Variants in RREB1 observed in about 807,000 individuals in gnomAD.
The protein encoded by RREB1 is ras responsive element binding protein 1.
Under a neutral mutation model 117.8 loss-of-function variants are expected in RREB1, and 27 were observed. The observed-to-expected ratio is 0.23, with a 90% CI of 0.17 to 0.32. The LOEUF (loss-of-function observed/expected upper bound fraction) is 0.32, where lower values mean the gene tolerates loss of function less well. Ranked by LOEUF, RREB1 falls within the 10% of genes least tolerant of loss-of-function variation. The pLI is 1.00. For synonymous variants in RREB1, 1,298 were observed against 1,026.7 expected (o/e 1.26, Z -5.05); for missense variants, 2,577 against 2,378.2 (o/e 1.08, Z -1.74).
chr6:7,112,660 C>T (rs1761202047), intron 1 of RREB1, among the ~76,000 whole-genome samples: 5 of 152,164 alleles, frequency 3.3e-5, no homozygotes, highest in African/African-American at 1.2e-4. Flanking sequence ...TGAAATGCAT[C>T]ACTTATTTTT....
At chr6:7,192,809 T>C (rs1325915280) in intron 6 of RREB1, among the ~76,000 whole-genome samples, 1 of 152,220 alleles carries the variant, frequency 6.6e-6, no homozygotes, top group Non-Finnish European at 1.5e-5. Flanking sequence ...CTAAACATTA[T>C]TATTATCCGT....
intron 1 of RREB1, among the ~76,000 whole-genome samples, chr6:7,121,323 A>G (rs1057248457): frequency 6.6e-6 from 1 of 152,114 alleles, no homozygotes; most frequent in Non-Finnish European, 1.5e-5. Context: ...TGACTTGAGC[A>G]TAGGGTTCAT....
In RREB1 at chr6:7,249,460, A is replaced by G. The variant is rs1231940892; in HGVS notation, c.*492A>G. 6.5e-6 allele frequency: 1 copy of G among 154,664 alleles called. No homozygotes were observed. The highest frequency in any genetic ancestry group is 1.4e-5 in the Non-Finnish European group (1 of 69,552). The allele number at this position is 154,664 out of a possible 1,614,324, so 9.6% of individuals were successfully genotyped here. A position where few individuals can be genotyped will look rare whatever the true frequency, so the allele number is the denominator to read the frequency against. On this transcript the variant is annotated 3_prime_UTR_variant, in exon 13 of 13. Coordinates refer to ENST00000379938, the MANE Select transcript of RREB1 (RefSeq NM_001003699.4). ...AAATGATGTGAATTTCATGTAAATG[A>G]CCAGAGGAAAGATGGATAAGATGAT...
At chr6:7,180,474 G>C (rs1433008405) in intron 2 of RREB1, among the ~76,000 whole-genome samples, 1 of 152,186 alleles carries the variant, frequency 6.6e-6, no homozygotes, top group Non-Finnish European at 1.5e-5. Flanking sequence ...TGGGATAATA[G>C]GATCTTAATA....
chr6:7,114,636 A>G (rs532440509), intron 1 of RREB1, among the ~76,000 whole-genome samples: 44 of 152,304 alleles, frequency 2.9e-4, no homozygotes, highest in African/African-American at 1.0e-3. Flanking sequence ...TCTCATCTAC[A>G]AGTCCACTGG....
intron 1 of RREB1, among the ~76,000 whole-genome samples, chr6:7,168,449 A>G (rs1213699924): frequency 6.6e-6 from 1 of 152,078 alleles, no homozygotes; most frequent in African/African-American, 2.4e-5. Flanking sequence ...TCTCCCACCC[A>G]TTGCCGGACT....
In RREB1 at chr6:7,236,361, TC is replaced by T. The variant is rs367651944; in HGVS notation, c.3809-4071del. Among the ~76,000 whole-genome samples the T allele has an allele frequency of 9.9e-5, 15 of 152,164 alleles. No individual in the cohort carries two copies. The South Asian group carries it at 2.9e-3, about 29-fold the overall frequency. ...GCCTTTTTTGAGCCGGCTCAGGCTTTCCCCCCACACCCTTTCCTCCCTGCTT... is the reference window on the plus strand; with the variant it reads ...GCCTTTTTTGAGCCGGCTCAGGCTTTCCCCCACACCCTTTCCTCCCTGCTT... On this transcript the variant is annotated intron_variant, in intron 10 of 12. Coordinates refer to ENST00000379938, the MANE Select transcript of RREB1 (RefSeq NM_001003699.4).
chr6:7,129,202 CTAGGAAAAGCACAAG>C, intron 1 of RREB1, among the ~76,000 whole-genome samples: 1 of 152,152 alleles, frequency 6.6e-6, no homozygotes, highest in Non-Finnish European at 1.5e-5. Context: ...GTCTGCACTT[CTAGGAAAAGCACAAG>C]TAGGGGCTGA....
In RREB1 at chr6:7,230,188, C is replaced by G; in HGVS notation, c.2089C>G (p.Arg697Gly). ...CCACCTGCGCACGCACAGTGGGGAG[C>G]GGCCCTACATTTGCAAGATCTGCCA... ...IRHLRTHSGE[R>G]PYICKICHYP... Residue 697 changes from arginine to glycine, a missense_variant, in exon 10 of 13, where the codon CGG (arginine) becomes GGG (glycine). By Grantham distance (125) the Arg-to-Gly change is moderately radical (BLOSUM62 -2). Transcript: ENST00000379938. 6.2e-7 allele frequency: 1 copy of G among 1,606,294 alleles called. No individual in the cohort carries two copies. Among genetic ancestry groups the G allele is most frequent in the East Asian group, 2.2e-5 (1 of 44,852 alleles).
chr6:7,215,629 C>G (rs1766854050), intron 8 of RREB1: 2 of 152,154 alleles, frequency 1.3e-5, no homozygotes, highest in African/African-American at 4.8e-5. Context: ...CGTGAGCCAC[C>G]CTGCCTGGCC....
chr6:7,247,787 A>G (rs1769179371), intron 12 of RREB1, among the ~76,000 whole-genome samples: 1 of 152,088 alleles, frequency 6.6e-6, no homozygotes, highest in Admixed American at 6.5e-5. Context: ...GAGGCTGCAG[A>G]CCCCAGAGCA....
chr6:7,245,630 GGACA>G (rs1346777348), intron 11 of RREB1, among the ~76,000 whole-genome samples: 1 of 152,172 alleles, frequency 6.6e-6, no homozygotes, highest in Non-Finnish European at 1.5e-5. Context: ...TGGGTGGAAT[GGACA>G]GATAGGAACA....
intron 8 of RREB1, chr6:7,212,306 G>T (rs1012616154): frequency 6.6e-6 from 1 of 152,280 alleles, no homozygotes; most frequent in African/African-American, 2.4e-5. Context: ...AGCTTCAATT[G>T]TAGGGGCTTC....
intron 8 of RREB1, among the ~76,000 whole-genome samples, chr6:7,223,757 C>T (rs1767421219): frequency 6.6e-6 from 1 of 152,146 alleles, no homozygotes; most frequent in African/African-American, 2.4e-5. Context: ...ACAACAAACA[C>T]ATGTGGAGCA....
intron 1 of RREB1, among the ~76,000 whole-genome samples, chr6:7,164,618 A>G (rs1763835815): frequency 6.6e-6 from 1 of 152,140 alleles, no homozygotes; most frequent in Non-Finnish European, 1.5e-5. Flanking sequence ...AACCCTCTTG[A>G]TTGATGCACA....
chr6:7,198,676 T>C (rs1437197128), intron 6 of RREB1, among the ~76,000 whole-genome samples: 1 of 152,230 alleles, frequency 6.6e-6, no homozygotes, highest in Non-Finnish European at 1.5e-5. Flanking sequence ...AATACTTGGG[T>C]ATCAAAGCAG....
intron 1 of RREB1, among the ~76,000 whole-genome samples, chr6:7,153,105 G>GT (rs369606887): frequency 0.078 from 8,123 of 104,774 alleles, 303 homozygotes; most frequent in Non-Finnish European, 0.1. Context: ...TTGTGAGAGG[G>GT]TTTTTTTTTT....
chr6:7,242,313 C>CA (rs1488865873), intron 11 of RREB1, among the ~76,000 whole-genome samples: 1 of 152,150 alleles, frequency 6.6e-6, no homozygotes, highest in African/African-American at 2.4e-5. Flanking sequence ...GGTTCAGCAC[C>CA]AAGTGTATTT....
intron 4 of RREB1, among the ~76,000 whole-genome samples, chr6:7,186,093 A>G (rs375295616): frequency 3.3e-5 from 5 of 152,234 alleles, no homozygotes; most frequent in Admixed American, 2.0e-4. Context: ...AAAGAGGTCT[A>G]TTGAAAGATG....
Sources: gnomAD v4.1 joint callset for allele counts (sites outside exome capture counted in the v4.1 genomes callset) on GRCh38, gnomAD v4.1.1 for gene constraint, MANE v1.5 for transcripts, NCBI Gene and HGNC (gene_info 2026-07-23, HGNC 2026-07-21) for gene names.